Variants in CTNND2 observed in about 807,000 individuals in gnomAD.
CTNND2 encodes catenin delta 2, also known as catenin delta-2.
In CTNND2, 22 loss-of-function variants were observed where a neutral mutation model predicts 144.4. That is an observed-to-expected ratio of 0.15 (90% CI 0.11 to 0.22). The LOEUF is 0.22. Among genes scored for constraint, CTNND2 ranks in the 10% least tolerant of loss-of-function variants. The pLI is 1.00. For synonymous variants in CTNND2, 751 were observed against 695.6 expected (o/e 1.08, Z -1.25); for missense variants, 1,353 against 1,618.8 (o/e 0.84, Z 2.82).
At chr5:11,411,694 T>C (rs201867664) in intron 4 of CTNND2, 42 bp from the exon 5 acceptor site, 31 of 1,156,544 alleles carry the variant, frequency 2.7e-5, no homozygotes, top group Admixed American at 3.8e-5. Context: ...ACACATGGTA[T>C]ATTATTCTTA....
intron 9 of CTNND2, among the ~76,000 whole-genome samples, chr5:11,320,894 T>C (rs1751966385): frequency 6.6e-6 from 1 of 152,198 alleles, no homozygotes; most frequent in African/African-American, 2.4e-5. Context: ...ATTAGGAAAG[T>C]GACACCAATT....
At chr5:11,694,661 CA>C (rs911880938) in intron 2 of CTNND2, among the ~76,000 whole-genome samples, 3 of 152,146 alleles carry the variant, frequency 2.0e-5, no homozygotes, top group African/African-American at 7.2e-5. Flanking sequence ...CACAAGCTCA[CA>C]AACATGAAAT....
chr5:11,258,144 G>A (rs559048350), intron 9 of CTNND2, among the ~76,000 whole-genome samples: 1 of 152,258 alleles, frequency 6.6e-6, no homozygotes, highest in South Asian at 2.1e-4. Flanking sequence ...AGGCTGAATG[G>A]ATTTCTTCTA....
intron 3 of CTNND2, among the ~76,000 whole-genome samples, chr5:11,515,633 G>C (rs1219110195): frequency 6.6e-6 from 1 of 152,068 alleles, no homozygotes; most frequent in Non-Finnish European, 1.5e-5. Flanking sequence ...CATGATTTTT[G>C]CAACACTACA....
At chr5:11,497,098 A>T (rs1222829712) in intron 3 of CTNND2, among the ~76,000 whole-genome samples, 1 of 152,184 alleles carries the variant, frequency 6.6e-6, no homozygotes, top group Non-Finnish European at 1.5e-5. Flanking sequence ...GGTCTGACCA[A>T]CCACTAGAGC....
At position 11,392,464 on chromosome 5, in the gene CTNND2, G is replaced by T. The variant is rs137961303; in HGVS notation, c.612+4567C>A. Among the ~76,000 whole-genome samples the T allele has an allele frequency of 3.4e-3, 517 of 152,306 alleles. 2 individuals carry two copies. Among genetic ancestry groups the T allele is most frequent in the African/African-American group, 0.012 (504 of 41,550 alleles). ...AGCACCCGCAAAAATATACTACACA[G>T]AACTTTATTTCAGCAAGAGGCTCAT... On this transcript the variant is annotated intron_variant, in intron 6 of 21. Transcript: ENST00000304623.
Position 11,883,473 on chromosome 5 carries a change from T to C in CTNND2, c.37+20344A>G, listed in dbSNP as rs532401752. The stretch of plus-strand genomic sequence containing the variant: ...TGTGTCAGTTTGCTGAGAATGATGG[T>C]TTCCAGTTTCATCCATGTCCCTGCA... On this transcript the variant is annotated intron_variant, in intron 1 of 21. Coordinates refer to ENST00000304623, the MANE Select transcript of CTNND2 (RefSeq NM_001332.4). Among the ~76,000 whole-genome samples the C allele has an allele frequency of 5.9e-5, 9 of 152,276 alleles. No individual in the cohort carries two copies. In the East Asian group the frequency reaches 1.7e-3, roughly 29 times the overall value.
At chr5:11,069,957 C>T (rs1748069600) in intron 16 of CTNND2, among the ~76,000 whole-genome samples, 1 of 152,114 alleles carries the variant, frequency 6.6e-6, no homozygotes, top group Non-Finnish European at 1.5e-5. Context: ...TTATCTCAGC[C>T]CTCTACCTTA....
chr5:11,224,708 A>C (rs1740148280), intron 10 of CTNND2, among the ~76,000 whole-genome samples: 1 of 152,132 alleles, frequency 6.6e-6, no homozygotes, highest in African/African-American at 2.4e-5. Flanking sequence ...ACTCTTCCAC[A>C]GTGCTGTTCT....
chr5:11,104,712 C>T (rs888420834), intron 14 of CTNND2, among the ~76,000 whole-genome samples: 10 of 152,102 alleles, frequency 6.6e-5, no homozygotes, highest in Non-Finnish European at 7.3e-5. Flanking sequence ...CAGAAGACTT[C>T]GGCTGCAGCT....
intron 3 of CTNND2, among the ~76,000 whole-genome samples, chr5:11,438,410 G>A (rs189608022): frequency 6.6e-6 from 1 of 152,292 alleles, no homozygotes; most frequent in Admixed American, 6.5e-5. Context: ...GGGCTGTCTG[G>A]GAAGCAGTTG....
At chr5:11,654,497 G>T (rs1254540187) in intron 2 of CTNND2, among the ~76,000 whole-genome samples, 1 of 151,780 alleles carries the variant, frequency 6.6e-6, no homozygotes, top group Non-Finnish European at 1.5e-5. Flanking sequence ...TATTGTAAAT[G>T]AGATTTTTAA....
At chr5:11,641,620 G>GTA (rs1156418489) in intron 2 of CTNND2, among the ~76,000 whole-genome samples, 9 of 138,030 alleles carry the variant, frequency 6.5e-5, no homozygotes, top group African/African-American at 2.5e-4. Flanking sequence ...ATACGTGTGT[G>GTA]TATACATATA....
At chr5:11,584,808 C>T (rs186124536) in intron 2 of CTNND2, among the ~76,000 whole-genome samples, 1 of 152,156 alleles carries the variant, frequency 6.6e-6, no homozygotes, top group East Asian at 1.9e-4. Context: ...CCTAAAGATA[C>T]GTTTTGTTTT....
In CTNND2 at chr5:10,988,268, T is replaced by C. The variant is rs1371469278; in HGVS notation, c.3212-26A>G. The C allele has an allele frequency of 1.2e-6, 2 of 1,613,618 alleles. No individual in the cohort carries two copies. Among genetic ancestry groups the C allele is most frequent in the South Asian group, 1.1e-5 (1 of 91,024 alleles). ...CTACATAAAGAAATCAAAAGGGGGA[T>C]TTTCTGCATCTCATCCCACAGCGTG... On this transcript the variant is annotated intron_variant, in intron 19 of 21. Coordinates refer to ENST00000304623, the MANE Select transcript of CTNND2 (RefSeq NM_001332.4). This position sits in a 1 kb window ranked among gnomAD's most constrained non-coding sequence, Gnocchi z 5.9.
At chr5:11,568,317 T>C (rs1419194688) in intron 2 of CTNND2, among the ~76,000 whole-genome samples, 1 of 152,206 alleles carries the variant, frequency 6.6e-6, no homozygotes, top group African/African-American at 2.4e-5. Context: ...TCTTAACTAC[T>C]GAGACCCTGC....
intron 1 of CTNND2, among the ~76,000 whole-genome samples, chr5:11,875,728 G>A (rs1375060775): frequency 6.6e-6 from 1 of 152,154 alleles, no homozygotes; most frequent in Admixed American, 6.5e-5. Context: ...TCAGAACTGT[G>A]GGGAATAAAT....
At chr5:11,240,173 CACACACTCACACACCCA>C (rs1561073877) in intron 9 of CTNND2, among the ~76,000 whole-genome samples, 2 of 130,564 alleles carry the variant, frequency 1.5e-5, no homozygotes, top group East Asian at 4.5e-4. Context: ...CACACCAACA[CACACACTCACACACCCA>C]ACACACACAC....
At chr5:11,870,603 C>T (rs1408384606) in intron 1 of CTNND2, among the ~76,000 whole-genome samples, 4 of 152,224 alleles carry the variant, frequency 2.6e-5, no homozygotes, top group Admixed American at 6.5e-5. Flanking sequence ...CATCAAGTGC[C>T]TAGTCGGCTT....
Sources: gnomAD v4.1 joint callset for allele counts (sites outside exome capture counted in the v4.1 genomes callset) on GRCh38, gnomAD v4.1.1 for gene constraint, Gnocchi (gnomAD v3.1) non-coding constraint, MANE v1.5 for transcripts, NCBI Gene and HGNC (gene_info 2026-07-23, HGNC 2026-07-21) for gene names.